ZFYVE28: variants seen among roughly 807,000 people sequenced by gnomAD.
ZFYVE28 encodes lateral signaling target protein 2 homolog.
A neutral mutation model predicts 82.1 loss-of-function variants in ZFYVE28; 40 were observed. That is an observed-to-expected ratio of 0.49 (90% CI 0.38 to 0.63). ZFYVE28 has a LOEUF of 0.63. Among genes scored for constraint, ZFYVE28 ranks in the 30% least tolerant of loss-of-function variants. The pLI is 0.00. For synonymous variants in ZFYVE28, 612 were observed against 546.1 expected (o/e 1.12, Z -1.68); for missense variants, 1,321 against 1,242.1 (o/e 1.06, Z -0.96).
rs2108684240 is a variant in ZFYVE28 at position 2,408,860 on chromosome 4, C to A, written c.39+9425G>T. Among the ~76,000 whole-genome samples, 1 of 152,350 alleles carries A rather than the reference C, an allele frequency of 6.6e-6. No homozygotes were observed. The highest frequency in any genetic ancestry group is 2.4e-5 in the African/African-American group (1 of 41,568). On this transcript the variant is annotated intron_variant, in intron 1 of 12. Coordinates refer to ENST00000290974, the MANE Select transcript of ZFYVE28 (RefSeq NM_020972.3). The surrounding 1 kb of genome is among the most constrained non-coding windows in gnomAD (Gnocchi z 4.3). Reference sequence around the variant, plus strand: ...TCCACCCAATCCTGACGTGGGGCAGCAGTGATGGTTTGAAGCTCTCAGTTC... The same window carrying A: ...TCCACCCAATCCTGACGTGGGGCAGAAGTGATGGTTTGAAGCTCTCAGTTC...
At chr4:2,369,178 G>T (rs1007807886) in intron 1 of ZFYVE28, among the ~76,000 whole-genome samples, 1 of 152,184 alleles carries the variant, frequency 6.6e-6, no homozygotes, top group African/African-American at 2.4e-5. Context: ...CCTTCCTCCT[G>T]GTGACATCTG....
At position 2,270,548 on chromosome 4, in the gene ZFYVE28, G is replaced by A. The variant is rs1735815656; in HGVS notation, c.*177C>T. 4.3e-6 allele frequency: 4 copies of A among 923,918 alleles called. No homozygotes were observed. The highest frequency in any genetic ancestry group is 2.7e-5 in the East Asian group (1 of 37,328). The allele number at this position is 923,918 out of a possible 1,614,324, so 57.2% of individuals were successfully genotyped here. A position where few individuals can be genotyped will look rare whatever the true frequency, so the allele number is the denominator to read the frequency against. On this transcript the variant is annotated 3_prime_UTR_variant, in exon 13 of 13. Coordinates refer to ENST00000290974, the MANE Select transcript of ZFYVE28 (RefSeq NM_020972.3). Reference sequence around the variant, plus strand: ...TTGTTGGCCCCTGCAGCCGGCCCGGGGTCCCTGCAGGGAGGCTAGCGTGGG... The same window carrying A: ...TTGTTGGCCCCTGCAGCCGGCCCGGAGTCCCTGCAGGGAGGCTAGCGTGGG...
chr4:2,339,947 G>A lies in ZFYVE28; in HGVS notation c.319-292C>T, dbSNP rs1489799833. ...CAGGGGAGGGGAGGGCAGGGGAGGG[G>A]AGGGGAGGGGAAGGTGGACTGAGGC... On this transcript the variant is annotated intron_variant, in intron 3 of 12. Coordinates refer to ENST00000290974, the MANE Select transcript of ZFYVE28 (RefSeq NM_020972.3). This position sits in a 1 kb window ranked among gnomAD's most constrained non-coding sequence, Gnocchi z 5.0. 6.8e-6 allele frequency among the ~76,000 whole-genome samples: 1 copy of A among 148,128 alleles called. No homozygotes were observed. Among genetic ancestry groups the A allele is most frequent in the Non-Finnish European group, 1.5e-5 (1 of 66,278 alleles).
intron 6 of ZFYVE28, among the ~76,000 whole-genome samples, chr4:2,322,680 C>G (rs946148408): frequency 6.6e-6 from 1 of 152,182 alleles, no homozygotes; most frequent in Non-Finnish European, 1.5e-5. Context: ...GTGCTGTGCA[C>G]CCATCACCTC....
intron 1 of ZFYVE28, chr4:2,364,382 G>A: frequency 1.1e-6 from 1 of 951,012 alleles, no homozygotes; most frequent in Non-Finnish European, 1.3e-6. Context: ...TGAACGCCCT[G>A]CCCGCCCCAA....
chr4:2,295,905 T>G (rs915558341), intron 8 of ZFYVE28: 2 of 152,508 alleles, frequency 1.3e-5, no homozygotes, highest in African/African-American at 4.8e-5. Context: ...CGCAGCTGCT[T>G]GCAGGTGGTG....
In ZFYVE28 at chr4:2,335,806, G is replaced by A. The variant is rs10434499; in HGVS notation, c.612-12C>T. ...CGAAGTCCAGGGCCCTGTCCGGGGAGACGGACAGTGAGCAGCATGAGGGCT... is the reference window on the plus strand; with the variant it reads ...CGAAGTCCAGGGCCCTGTCCGGGGAAACGGACAGTGAGCAGCATGAGGGCT... On this transcript the variant is annotated splice_polypyrimidine_tract_variant and intron_variant, in intron 5 of 12. Transcript: ENST00000290974. This position sits in a 1 kb window ranked among gnomAD's most constrained non-coding sequence, Gnocchi z 5.8. The A allele has an allele frequency of 1.4e-3, 2,100 of 1,551,426 alleles. 56 individuals carry two copies. The East Asian group carries it at 0.038, about 28-fold the overall frequency.
chr4:2,307,740 C>T (rs548002295), intron 7 of ZFYVE28, among the ~76,000 whole-genome samples: 89 of 152,090 alleles, frequency 5.9e-4, no homozygotes, highest in South Asian at 1.2e-3. Flanking sequence ...GTGATCCTCC[C>T]GCCTTGGCCT....
intron 8 of ZFYVE28, among the ~76,000 whole-genome samples, chr4:2,284,167 C>T (rs1430081966): frequency 6.6e-6 from 1 of 152,214 alleles, no homozygotes; most frequent in African/African-American, 2.4e-5. Context: ...CACACAAGAC[C>T]GGATTCACGT....
At position 2,304,161 on chromosome 4, in the gene ZFYVE28, A is replaced by T. The variant is rs546226502; in HGVS notation, c.2051+128T>A. 119 of 1,218,906 alleles carry T rather than the reference A, an allele frequency of 9.8e-5. 1 individual carries two copies. The African/African-American group carries it at 1.7e-3, about 17-fold the overall frequency. The allele number at this position is 1,218,906 out of a possible 1,614,324, so 75.5% of individuals were successfully genotyped here. On this transcript the variant is annotated intron_variant, in intron 8 of 12. Transcript: ENST00000290974. ...TCACACACAGACCCCACACTCGGCC[A>T]GGGCCCAGCACCTGCCGGTGGCCAA...
intron 1 of ZFYVE28, among the ~76,000 whole-genome samples, chr4:2,365,795 G>C (rs536266038): frequency 9.2e-5 from 14 of 152,292 alleles, no homozygotes; most frequent in Admixed American, 9.1e-4. Context: ...GATACCAGAA[G>C]GCCCCAACTG....
rs1297271262 is a variant in ZFYVE28 at position 2,320,790 on chromosome 4, C to T, written c.702-519G>A. Among the ~76,000 whole-genome samples, 1 of 152,200 alleles carries T rather than the reference C, an allele frequency of 6.6e-6. No homozygotes were observed. The highest frequency in any genetic ancestry group is 2.4e-5 in the African/African-American group (1 of 41,462). On this transcript the variant is annotated intron_variant, in intron 6 of 12. Transcript: ENST00000290974. This position sits in a 1 kb window ranked among gnomAD's most constrained non-coding sequence, Gnocchi z 5.1. ...AGCCACGAGACCAAAGCAGCCTCCC[C>T]TCATCCCCCACACAGGACCCACCTC...
intron 2 of ZFYVE28, among the ~76,000 whole-genome samples, chr4:2,352,764 C>A (rs2108881194): frequency 6.6e-6 from 1 of 152,274 alleles, no homozygotes; most frequent in South Asian, 2.1e-4. Flanking sequence ...TCACTTAAAA[C>A]CAGGCTTTAT....
intron 8 of ZFYVE28, among the ~76,000 whole-genome samples, chr4:2,275,593 G>T (rs1459130648): frequency 6.6e-6 from 1 of 152,202 alleles, no homozygotes; most frequent in African/African-American, 2.4e-5. Context: ...ATTTGGCCGT[G>T]TCTCATGCCG....
chr4:2,315,973 CTTG>C (rs1039059672), intron 7 of ZFYVE28, among the ~76,000 whole-genome samples: 19 of 151,788 alleles, frequency 1.3e-4, no homozygotes, highest in Non-Finnish European at 2.2e-4. Context: ...ATTGTTGTTT[CTTG>C]TTGTTTTTCC....
intron 1 of ZFYVE28, among the ~76,000 whole-genome samples, chr4:2,373,805 A>G (rs1433448038): frequency 6.6e-6 from 1 of 152,222 alleles, no homozygotes; most frequent in South Asian, 2.1e-4. Flanking sequence ...GTTTTAGTAT[A>G]TGATAAAACA....
intron 6 of ZFYVE28, among the ~76,000 whole-genome samples, chr4:2,335,000 T>C (rs985266006): frequency 2.0e-5 from 3 of 150,492 alleles, no homozygotes; most frequent in African/African-American, 7.3e-5. Flanking sequence ...CCCTGGGCTC[T>C]AACCTTGGCC....
chr4:2,410,487 T>C (rs1732410395), intron 1 of ZFYVE28, among the ~76,000 whole-genome samples: 1 of 150,728 alleles, frequency 6.6e-6, no homozygotes, highest in African/African-American at 2.4e-5. Context: ...TTTTTAACTT[T>C]ATTTATTTAT....
At chr4:2,392,305 A>C (rs958177108) in intron 1 of ZFYVE28, among the ~76,000 whole-genome samples, 1 of 152,194 alleles carries the variant, frequency 6.6e-6, no homozygotes, top group African/African-American at 2.4e-5. Context: ...CCTCTCCCGC[A>C]GACTCTGAGC....
Sources: gnomAD v4.1 joint callset for allele counts (sites outside exome capture counted in the v4.1 genomes callset) on GRCh38, gnomAD v4.1.1 for gene constraint, Gnocchi (gnomAD v3.1) non-coding constraint, MANE v1.5 for transcripts, NCBI Gene and HGNC (gene_info 2026-07-23, HGNC 2026-07-21) for gene names.